The following KIF14 variants were observed in gnomAD, a reference collection of about 807,000 sequenced individuals.
The protein encoded by KIF14 is kinesin-like protein KIF14.
KIF14 carries 98 observed loss-of-function variants against 176.2 expected under a neutral mutation model. That is an observed-to-expected ratio of 0.56 (90% CI 0.47 to 0.66). The LOEUF (loss-of-function observed/expected upper bound fraction) is 0.66. KIF14 is among the 30% of genes least tolerant of loss of function. KIF14 has a pLI of 0.00. For synonymous variants in KIF14, 566 were observed against 632.2 expected (o/e 0.90, Z 1.57); for missense variants, 1,751 against 1,920.4 (o/e 0.91, Z 1.65).
At chr1:200,561,860 C>G (rs184829985) in intron 25 of KIF14, among the ~76,000 whole-genome samples, 1 of 152,072 alleles carries the variant, frequency 6.6e-6, no homozygotes, top group Non-Finnish European at 1.5e-5. Context: ...TGATAACCAT[C>G]TGACAGTTAA....
intron 14 of KIF14, among the ~76,000 whole-genome samples, chr1:200,595,932 CAA>C (rs35375679): frequency 3.1e-4 from 16 of 52,230 alleles, no homozygotes; most frequent in African/African-American, 2.2e-4. Flanking sequence ...ACTCCATCTC[CAA>C]AAAAAAAAAA....
intron 23 of KIF14, among the ~76,000 whole-genome samples, chr1:200,568,545 GTATAA>G (rs1169905529): frequency 6.6e-6 from 1 of 152,056 alleles, no homozygotes; most frequent in Non-Finnish European, 1.5e-5. Flanking sequence ...TGTTTACTAA[GTATAA>G]TATGTGTACT....
In KIF14 at chr1:200,568,114, TACAGC is replaced by T. The variant is rs1036567308; in HGVS notation, c.3661+1792_3661+1796del. On this transcript the variant is annotated intron_variant, in intron 23 of 29. Coordinates refer to ENST00000367350, the MANE Select transcript of KIF14 (RefSeq NM_014875.3). ...AGCTAGAAAGTGCTAGACACTGGGGTACAGCCCCTCACCCCCAGGCCTGGTCCCCC... is the reference window on the plus strand; with the variant it reads ...AGCTAGAAAGTGCTAGACACTGGGGTCCCTCACCCCCAGGCCTGGTCCCCC... 3.6e-4 allele frequency among the ~76,000 whole-genome samples: 55 copies of T among 152,256 alleles called. 1 individual carries two copies. Among genetic ancestry groups the T allele is most frequent in the African/African-American group, 1.3e-3 (53 of 41,560 alleles).
At chr1:200,619,376 T>C (rs1464480460) in intron 1 of KIF14, among the ~76,000 whole-genome samples, 1 of 152,020 alleles carries the variant, frequency 6.6e-6, no homozygotes, top group Non-Finnish European at 1.5e-5. Context: ...TTTTTTGAGA[T>C]GGAGTCTTGC....
chr1:200,577,155 C>CAAAAAA (rs35218358), intron 21 of KIF14, among the ~76,000 whole-genome samples: 1 of 137,638 alleles, frequency 7.3e-6, no homozygotes, highest in African/African-American at 2.7e-5. Flanking sequence ...ACTAAAAATA[C>CAAAAAA]AAAAAAAAAA....
In KIF14 at chr1:200,555,376, T is replaced by A; in HGVS notation, c.4428+4A>T. 1 of 1,537,810 alleles carries A rather than the reference T, an allele frequency of 6.5e-7. No individual in the cohort carries two copies. The highest frequency in any genetic ancestry group is 1.4e-5 in the African/African-American group (1 of 71,788). On this transcript the variant is annotated splice_donor_region_variant and intron_variant, in intron 28 of 29. Coordinates refer to ENST00000367350, the MANE Select transcript of KIF14 (RefSeq NM_014875.3). ...AATTAAAATCAATTTAAAGCTTCTC[T>A]TACAATTTTCGATTCAGCAAAGATG...
chr1:200,572,974 A>G (rs561181401), intron 22 of KIF14, among the ~76,000 whole-genome samples: 1 of 152,340 alleles, frequency 6.6e-6, no homozygotes, highest in South Asian at 2.1e-4. Context: ...ACTGGACAGA[A>G]ATCATAGCTT....
intron 23 of KIF14, among the ~76,000 whole-genome samples, chr1:200,568,297 GAATA>G (rs909448572): frequency 2.6e-5 from 4 of 152,118 alleles, no homozygotes; most frequent in African/African-American, 7.2e-5. Flanking sequence ...AGATAATACC[GAATA>G]AATAAGTTGC....
chr1:200,582,102 A>G (rs1658493798), intron 19 of KIF14, among the ~76,000 whole-genome samples: 1 of 152,152 alleles, frequency 6.6e-6, no homozygotes, highest in Non-Finnish European at 1.5e-5. Flanking sequence ...GACTGGGCAC[A>G]GTAGCTCATG....
Position 200,590,604 on chromosome 1 carries a change from AAAG to A in KIF14, c.2814-335_2814-333del, listed in dbSNP as rs375155520. Among the ~76,000 whole-genome samples the A allele has an allele frequency of 2.3e-3, 352 of 152,370 alleles. 2 individuals are homozygous for A. The highest frequency in any genetic ancestry group is 7.9e-3 in the African/African-American group (330 of 41,594). ...CTGAAAAAAAGAATAAGAGTATAAA[AAAG>A]AAGGTTAGTGGATATCACAGCTAGG... On this transcript the variant is annotated intron_variant, in intron 16 of 29. Coordinates refer to ENST00000367350, the MANE Select transcript of KIF14 (RefSeq NM_014875.3).
At position 200,602,440 on chromosome 1, in the gene KIF14, T is replaced by A. The variant is rs961381932; in HGVS notation, c.1980-372A>T. Among the ~76,000 whole-genome samples the A allele has an allele frequency of 2.6e-5, 4 of 152,152 alleles. No individual in the cohort carries two copies. In the East Asian group the frequency reaches 7.7e-4, roughly 29 times the overall value. ...CAATAAATGTTGAAAATGATGAACA[T>A]TGAAACAAAAATTCTATATTGTACT... On this transcript the variant is annotated intron_variant, in intron 10 of 29. Coordinates refer to ENST00000367350, the MANE Select transcript of KIF14 (RefSeq NM_014875.3).
intron 1 of KIF14, among the ~76,000 whole-genome samples, chr1:200,619,867 T>C (rs1660601400): frequency 6.6e-6 from 1 of 152,134 alleles, no homozygotes; most frequent in Admixed American, 6.5e-5. Flanking sequence ...AGCAACAATA[T>C]CTATCAGGTA....
At position 200,589,368 on chromosome 1, in the gene KIF14, C is replaced by T. The variant is rs774041834; in HGVS notation, c.2963G>A (p.Arg988Lys). 14 of 1,598,030 alleles carry T rather than the reference C, an allele frequency of 8.8e-6. No homozygotes were observed. The highest frequency in any genetic ancestry group is 6.8e-5 in the African/African-American group (5 of 74,058). ...SKIKALEAEL[R>K]EESQRKKMQE... is the part of the protein sequence containing the mutation. ...CATTTTTTTCCTTTGAGACTCTTCT[C>T]TCTTTAAAGAACAATAATAAAAAAT... Residue 988 changes from arginine to lysine, a missense_variant and splice_region_variant, in exon 18 of 30, where the codon AGA (arginine) becomes AAA (lysine). Coordinates refer to ENST00000367350, the MANE Select transcript of KIF14 (RefSeq NM_014875.3).
intron 27 of KIF14, among the ~76,000 whole-genome samples, chr1:200,556,554 T>C (rs1370566946): frequency 6.6e-6 from 1 of 152,234 alleles, no homozygotes; most frequent in Non-Finnish European, 1.5e-5. Flanking sequence ...GGTATGCAGA[T>C]AGGGTCAATT....
intron 5 of KIF14, 70 bp from the exon 6 acceptor site, chr1:200,606,868 T>G: frequency 8.3e-7 from 1 of 1,208,434 alleles, no homozygotes; most frequent in Non-Finnish European, 1.2e-6. Flanking sequence ...ATGATCACTT[T>G]TTCTACATCT....
chr1:200,600,890 ATATTTATT>A (rs1028440370), intron 11 of KIF14, among the ~76,000 whole-genome samples: 1 of 152,080 alleles, frequency 6.6e-6, no homozygotes, highest in African/African-American at 2.4e-5. Flanking sequence ...GGAATTCAGA[ATATTTATT>A]TATTTATTTA....
At chr1:200,591,728 T>G (rs1207681077) in intron 16 of KIF14, among the ~76,000 whole-genome samples, 1 of 152,156 alleles carries the variant, frequency 6.6e-6, no homozygotes. Context: ...TGATAACCGG[T>G]CAGGGCCAGG....
Position 200,560,814 on chromosome 1 carries a change from G to A in KIF14, c.4138C>T (p.Gln1380Ter). The A allele has an allele frequency of 6.2e-7, 1 of 1,613,910 alleles. No homozygotes were observed. Among genetic ancestry groups the A allele is most frequent in the Non-Finnish European group, 8.5e-7 (1 of 1,179,782 alleles). ...AQKNAIQIVQQAVKYVGQLAV... is the reference protein window; with the variant it reads ...AQKNAIQIVQ The stretch of plus-strand genomic sequence containing the variant: ...AACTGCCCCACATACTTTACAGCTT[G>A]TTGTACAATTTGGATTGCATTCTTT... The change falls in exon 26 of 30, where the codon CAA becomes TAA. Residue 1380 changes from glutamine (Q) to a stop codon, truncating the protein, a stop_gained. Coordinates refer to ENST00000367350, the MANE Select transcript of KIF14 (RefSeq NM_014875.3). LOFTEE classifies it high-confidence loss of function.
chr1:200,579,211 G>A (rs1658308074), intron 21 of KIF14, among the ~76,000 whole-genome samples: 1 of 152,212 alleles, frequency 6.6e-6, no homozygotes, highest in African/African-American at 2.4e-5. Context: ...GCTCACGCCT[G>A]TAATCCCAAC....
Sources: gnomAD v4.1 joint callset for allele counts (sites outside exome capture counted in the v4.1 genomes callset) on GRCh38, gnomAD v4.1.1 for gene constraint, MANE v1.5 for transcripts, NCBI Gene and HGNC (gene_info 2026-07-23, HGNC 2026-07-21) for gene names.